The following CDH13 variants were observed in gnomAD, a reference collection of about 807,000 sequenced individuals.
CDH13 encodes the protein cadherin 13, also known as cadherin-13.
Under a neutral mutation model 63.8 loss-of-function variants are expected in CDH13, and 24 were observed. The ratio of observed to expected loss-of-function variants is 0.38; its 90% CI spans 0.27 to 0.53. The LOEUF (loss-of-function observed/expected upper bound fraction) is 0.53. CDH13 is among the 20% of genes least tolerant of loss of function. The probability of loss-of-function intolerance (pLI) is 0.85; values close to 1 mark genes in which losing one functional copy is unlikely to be tolerated. For missense variants in CDH13, 1,049 were observed against 903.1 expected, an observed-to-expected ratio of 1.16 and a Z score of -2.07; for synonymous variants, 503 against 355.3, an observed-to-expected ratio of 1.42 and a Z score of -4.67.
intron 6 of CDH13, among the ~76,000 whole-genome samples, chr16:83,485,715 A>G (rs1480048702): frequency 6.6e-6 from 1 of 152,062 alleles, no homozygotes; most frequent in Non-Finnish European, 1.5e-5. Flanking sequence ...AGTGTGCCTG[A>G]TAAGTCTTAT....
chr16:83,647,235 G>C (rs1042264618), intron 8 of CDH13, among the ~76,000 whole-genome samples: 2 of 151,394 alleles, frequency 1.3e-5, no homozygotes, highest in Non-Finnish European at 2.9e-5. Context: ...GCATGAACCC[G>C]GGAGGCGGAG....
chr16:83,694,848 G>A (rs1450219169), intron 10 of CDH13, among the ~76,000 whole-genome samples: 1 of 152,262 alleles, frequency 6.6e-6, no homozygotes, highest in Middle Eastern at 3.4e-3. Flanking sequence ...TAAGCTTTAA[G>A]GGGATACCGA....
chr16:83,116,855 C>T (rs2035324285), intron 3 of CDH13, among the ~76,000 whole-genome samples: 1 of 152,176 alleles, frequency 6.6e-6, no homozygotes, highest in Non-Finnish European at 1.5e-5. Flanking sequence ...TCTCCCTTTC[C>T]ACAAATCAAA....
At chr16:83,064,230 G>A (rs961138993) in intron 3 of CDH13, among the ~76,000 whole-genome samples, 1 of 152,264 alleles carries the variant, frequency 6.6e-6, no homozygotes, top group East Asian at 1.9e-4. Context: ...TTAGCTGGGT[G>A]TGGTGGCATG....
At chr16:82,917,914 C>CAAAAAAAAAAAAAAAAA (rs34766700) in intron 2 of CDH13, among the ~76,000 whole-genome samples, 4 of 45,944 alleles carry the variant, frequency 8.7e-5, no homozygotes, top group African/African-American at 2.7e-4. Flanking sequence ...GACTCCATGT[C>CAAAAAAAAAAAAAAAAA]AAAAAAAAAA....
At chr16:83,767,180 A>G (rs1330778473) in intron 11 of CDH13, among the ~76,000 whole-genome samples, 1 of 151,728 alleles carries the variant, frequency 6.6e-6, no homozygotes, top group Non-Finnish European at 1.5e-5. Flanking sequence ...AAATTTTGTA[A>G]CATGTATATC....
chr16:83,208,687 G>T (rs1041332158), intron 4 of CDH13, among the ~76,000 whole-genome samples: 1 of 152,158 alleles, frequency 6.6e-6, no homozygotes, highest in Non-Finnish European at 1.5e-5. Context: ...CATGTGATTT[G>T]TTCGCTTTGG....
intron 1 of CDH13, among the ~76,000 whole-genome samples, chr16:82,774,337 T>C (rs2035394332): frequency 7.5e-6 from 1 of 134,106 alleles, no homozygotes; most frequent in Admixed American, 7.8e-5. Flanking sequence ...TTTTTTTTTT[T>C]CATTTCTACA....
At chr16:83,514,613 C>G (rs986582359) in intron 7 of CDH13, among the ~76,000 whole-genome samples, 2 of 152,132 alleles carry the variant, frequency 1.3e-5, no homozygotes, top group African/African-American at 2.4e-5. Flanking sequence ...CCACTGCACT[C>G]CGGCCTGGGC....
intron 5 of CDH13, among the ~76,000 whole-genome samples, chr16:83,279,988 G>C (rs1029577003): frequency 6.6e-6 from 1 of 152,164 alleles, no homozygotes; most frequent in African/African-American, 2.4e-5. Context: ...ACAAACATCT[G>C]AATCTTTTTG....
At chr16:83,476,348 C>T (rs987247742) in intron 6 of CDH13, among the ~76,000 whole-genome samples, 1 of 152,154 alleles carries the variant, frequency 6.6e-6, no homozygotes, top group African/African-American at 2.4e-5. Flanking sequence ...AAAACCACTG[C>T]TGTAAAAAGG....
chr16:83,706,463 G>A (rs7201416), intron 10 of CDH13, among the ~76,000 whole-genome samples: 38,504 of 152,162 alleles, frequency 0.25, 5,488 homozygotes, highest in Middle Eastern at 0.46. Flanking sequence ...TAGAGCCAAA[G>A]TCTGCATGAA....
At chr16:82,863,056 G>C (rs929988071) in intron 2 of CDH13, among the ~76,000 whole-genome samples, 1 of 152,150 alleles carries the variant, frequency 6.6e-6, no homozygotes, top group Non-Finnish European at 1.5e-5. Context: ...TAACTGCAAA[G>C]GAGTCTGGCA....
At chr16:83,054,669 G>A (rs1298478071) in intron 3 of CDH13, among the ~76,000 whole-genome samples, 1 of 152,148 alleles carries the variant, frequency 6.6e-6, no homozygotes, top group Non-Finnish European at 1.5e-5. Flanking sequence ...CTACAGATAA[G>A]AGGGTGACTG....
At chr16:83,211,768 A>G in intron 4 of CDH13, among the ~76,000 whole-genome samples, 1 of 151,534 alleles carries the variant, frequency 6.6e-6, no homozygotes, top group Non-Finnish European at 1.5e-5. Context: ...CCCCCCCCCA[A>G]ACAGCCAGCC....
At chr16:83,511,468 A>C (rs972420560) in intron 7 of CDH13, among the ~76,000 whole-genome samples, 21 of 151,990 alleles carry the variant, frequency 1.4e-4, no homozygotes, top group Admixed American at 1.4e-3. Flanking sequence ...TCTCAAAAAA[A>C]AAAAAAAGTT....
intron 8 of CDH13, among the ~76,000 whole-genome samples, chr16:83,646,877 T>G (rs369595381): frequency 1.1e-4 from 16 of 151,306 alleles, no homozygotes; most frequent in African/African-American, 3.6e-4. Context: ...AGAAGGCAAC[T>G]CCCCCCTTTC....
Position 83,780,102 on chromosome 16 carries a change from G to A in CDH13, c.1816G>A (p.Ala606Thr). ...AAACCTCAGTGTAGTCATTTTGGGA[G>A]CATCAGATAAGGATCTTCACCCGAA... ...AKNLSVVILG[A>T]SDKDLHPNTD... The change falls in exon 12 of 14, where the codon GCA becomes ACA. Residue 606 changes from alanine to threonine, a missense_variant. By Grantham distance (58) the Ala-to-Thr change is moderately conservative (BLOSUM62 0). Transcript: ENST00000567109. 1 of 1,613,734 alleles carries A rather than the reference G, an allele frequency of 6.2e-7. No homozygotes were observed. Among genetic ancestry groups the A allele is most frequent in the Non-Finnish European group, 8.5e-7 (1 of 1,179,750 alleles).
intron 2 of CDH13, among the ~76,000 whole-genome samples, chr16:83,020,977 T>C (rs538322624): frequency 6.6e-6 from 1 of 152,328 alleles, no homozygotes; most frequent in East Asian, 1.9e-4. Flanking sequence ...ACCCTTGAGA[T>C]GCACATTCAG....
Sources: allele counts gnomAD v4.1 joint callset (sites outside exome capture counted in the v4.1 genomes callset), GRCh38; gene constraint gnomAD v4.1.1; transcripts MANE v1.5; gene names NCBI Gene and HGNC (gene_info 2026-07-23, HGNC 2026-07-21).